The following ANGPT2 variants were observed in gnomAD, a reference collection of about 807,000 sequenced individuals.
ANGPT2 encodes angiopoietin 2.
A neutral mutation model predicts 62.9 loss-of-function variants in ANGPT2; 28 were observed. The observed-to-expected ratio is 0.44, with a 90% CI of 0.33 to 0.61. The LOEUF (loss-of-function observed/expected upper bound fraction) is 0.61, where lower values mean the gene tolerates loss of function less well. Among genes scored for constraint, ANGPT2 ranks in the 20% least tolerant of loss-of-function variants. ANGPT2 has a pLI of 0.03. For synonymous variants in ANGPT2, 284 were observed against 207.8 expected, an observed-to-expected ratio of 1.37 and a Z score of -3.15; for missense variants, 727 against 594.9, an observed-to-expected ratio of 1.22 and a Z score of -2.31.
chr8:6,531,032 A>T (rs1430562171), intron 2 of ANGPT2, among the ~76,000 whole-genome samples: 2 of 152,166 alleles, frequency 1.3e-5, no homozygotes, highest in African/African-American at 4.8e-5. Flanking sequence ...AGCCCAGAGT[A>T]GGAAGCCACT....
chr8:6,500,799 C>T lies in ANGPT2; in HGVS notation c.*2302G>A, dbSNP rs1247403414. On this transcript the variant is annotated 3_prime_UTR_variant, in exon 9 of 9. Transcript: ENST00000629816. The stretch of plus-strand genomic sequence containing the variant: ...GAAGTGTAAAGTAAAAACACAAATT[C>T]CCCCCATTCTCGCTCATAAGAGATT... The T allele has an allele frequency of 6.6e-6, 1 of 152,128 alleles. No homozygotes were observed. Among genetic ancestry groups the T allele is most frequent in the African/African-American group, 2.4e-5 (1 of 41,422 alleles). 9.4% of individuals were successfully genotyped at this position (152,128 alleles called of 1,614,324 possible). A position where few individuals can be genotyped will look rare whatever the true frequency, so the allele number is the denominator to read the frequency against.
intron 1 of ANGPT2, among the ~76,000 whole-genome samples, chr8:6,541,417 G>C (rs2959820): frequency 6.6e-6 from 1 of 151,836 alleles, no homozygotes; most frequent in South Asian, 2.1e-4. Flanking sequence ...GAGGAGAGGA[G>C]AGGAAAAGCA....
chr8:6,509,730 T>C (rs1814572968), intron 7 of ANGPT2, among the ~76,000 whole-genome samples: 1 of 152,178 alleles, frequency 6.6e-6, no homozygotes. Flanking sequence ...ATGTTGTATA[T>C]TGAAAATGCA....
At chr8:6,524,670 G>A (rs1817999960) in intron 3 of ANGPT2, among the ~76,000 whole-genome samples, 3 of 152,208 alleles carry the variant, frequency 2.0e-5, no homozygotes, top group African/African-American at 7.2e-5. Flanking sequence ...ATAGTCTTAA[G>A]CCTGCGGAAA....
At chr8:6,518,693 T>C (rs571792566) in intron 5 of ANGPT2, among the ~76,000 whole-genome samples, 1 of 152,304 alleles carries the variant, frequency 6.6e-6, no homozygotes, top group African/African-American at 2.4e-5. Context: ...GCCTCGAAAA[T>C]TTCCACTTTG....
chr8:6,505,064 A>C (rs1586178171), intron 8 of ANGPT2, among the ~76,000 whole-genome samples: 2 of 150,130 alleles, frequency 1.3e-5, no homozygotes, highest in East Asian at 4.0e-4. Context: ...GAAAATTAAT[A>C]AATAAAGTGA....
chr8:6,528,401 C>T (rs1217743960), intron 2 of ANGPT2, among the ~76,000 whole-genome samples: 1 of 152,190 alleles, frequency 6.6e-6, no homozygotes, highest in Admixed American at 6.5e-5. Context: ...TGTCACTAGA[C>T]AGAGAGATTG....
chr8:6,544,933 G>T (rs749318346), intron 1 of ANGPT2, among the ~76,000 whole-genome samples: 6 of 152,180 alleles, frequency 3.9e-5, no homozygotes, highest in Non-Finnish European at 5.9e-5. Context: ...TTCTCACAAT[G>T]GAATTATTAT....
chr8:6,531,332 A>G (rs1047532912), intron 2 of ANGPT2, among the ~76,000 whole-genome samples: 1 of 146,060 alleles, frequency 6.8e-6, no homozygotes, highest in Non-Finnish European at 1.5e-5. Context: ...TCTGTTGCCC[A>G]GGCTGGAGTG....
At chr8:6,559,547 C>A (rs373037343) in intron 1 of ANGPT2, among the ~76,000 whole-genome samples, 2 of 151,948 alleles carry the variant, frequency 1.3e-5, no homozygotes, top group Non-Finnish European at 2.9e-5. Flanking sequence ...TGTTTGCCTC[C>A]GTAGTAGGCA....
chr8:6,535,920 G>T (rs1820399426), intron 1 of ANGPT2, among the ~76,000 whole-genome samples: 1 of 151,862 alleles, frequency 6.6e-6, no homozygotes, highest in Non-Finnish European at 1.5e-5. Flanking sequence ...AGCTTGGCCT[G>T]GTAGTGCGAG....
Position 6,521,220 on chromosome 8 carries a change from C to G in ANGPT2, c.757G>C (p.Glu253Gln), listed in dbSNP as rs1459061957. The G allele has an allele frequency of 2.5e-6, 4 of 1,613,866 alleles. No individual in the cohort carries two copies. The highest frequency in any genetic ancestry group is 2.2e-5 in the East Asian group (1 of 44,814). The change falls in exon 4 of 9, where the codon GAG becomes CAG. Residue 253 changes from glutamate (E) to glutamine (Q), a missense_variant. By Grantham distance (29) the Glu-to-Gln change is conservative (BLOSUM62 2). Coordinates refer to ENST00000629816, the MANE Select transcript of ANGPT2 (RefSeq NM_001118887.2). ...ATAGTCAGTAAGTTATTAACTGTCT[C>G]CATGAGATCATGTTGCTGCTTCTGA... ...VLQKQQHDLM[E>Q]TVNNLLTMMS...
intron 1 of ANGPT2, among the ~76,000 whole-genome samples, chr8:6,554,384 T>A (rs1424279153): frequency 6.6e-6 from 1 of 152,148 alleles, no homozygotes; most frequent in Non-Finnish European, 1.5e-5. Flanking sequence ...AAAAGCCAAT[T>A]ATGATTATAA....
At position 6,502,889 on chromosome 8, in the gene ANGPT2, T is replaced by C; in HGVS notation, c.*212A>G. 7.3e-6 allele frequency: 4 copies of C among 550,000 alleles called. No homozygotes were observed. The highest frequency in any genetic ancestry group is 9.6e-6 in the Non-Finnish European group (3 of 313,872). 34.1% of individuals were successfully genotyped at this position (550,000 alleles called of 1,614,324 possible). A position where few individuals can be genotyped will look rare whatever the true frequency, so the allele number is the denominator to read the frequency against. ...TAGGTGTTCTGTCTAATCACAATTA[T>C]GGATGTTTAGGGTCTTGCTTTGGTC... is the stretch of plus-strand genomic sequence containing the variant. On this transcript the variant is annotated 3_prime_UTR_variant, in exon 9 of 9. Coordinates refer to ENST00000629816, the MANE Select transcript of ANGPT2 (RefSeq NM_001118887.2).
At chr8:6,561,713 A>G (rs1481946083) in intron 1 of ANGPT2, among the ~76,000 whole-genome samples, 3 of 152,252 alleles carry the variant, frequency 2.0e-5, no homozygotes, top group Admixed American at 6.5e-5. Flanking sequence ...TAGAATATAT[A>G]TAGTCCATAT....
chr8:6,538,620 C>T (rs909102220), intron 1 of ANGPT2, among the ~76,000 whole-genome samples: 2 of 152,202 alleles, frequency 1.3e-5, no homozygotes, highest in African/African-American at 4.8e-5. Flanking sequence ...CTTGAGTCTT[C>T]TCTTCCTCCT....
chr8:6,551,165 T>C (rs1356005241), intron 1 of ANGPT2, among the ~76,000 whole-genome samples: 1 of 152,142 alleles, frequency 6.6e-6, no homozygotes, highest in Non-Finnish European at 1.5e-5. Flanking sequence ...GGATTTTAAA[T>C]CACTTAAATT....
intron 7 of ANGPT2, among the ~76,000 whole-genome samples, 161 bp downstream of exon 7, chr8:6,513,517 T>TAGAG (rs1815618453): frequency 6.6e-6 from 1 of 152,030 alleles, no homozygotes; most frequent in Admixed American, 6.5e-5. Flanking sequence ...GTACTTCTAG[T>TAGAG]AGAGACAGGG....
At position 6,560,200 on chromosome 8, in the gene ANGPT2, G is replaced by A. The variant is rs760345929; in HGVS notation, c.288+2447C>T. On this transcript the variant is annotated intron_variant, in intron 1 of 8. Transcript: ENST00000629816. ...TTTCATTTTTAGTGCTGATCCAGGA[G>A]AGAAAGGAGATATGGAAACATTTTT... Among the ~76,000 whole-genome samples, 7 of 152,138 alleles carry A rather than the reference G, an allele frequency of 4.6e-5. No individual in the cohort carries two copies. The South Asian group carries it at 8.3e-4, about 18-fold the overall frequency.
Sources: gnomAD v4.1 joint callset for allele counts (sites outside exome capture counted in the v4.1 genomes callset) on GRCh38, gnomAD v4.1.1 for gene constraint, MANE v1.5 for transcripts, NCBI Gene and HGNC (gene_info 2026-07-23, HGNC 2026-07-21) for gene names.